The following RALYL variants were observed in gnomAD, a reference collection of about 807,000 sequenced individuals.
RALYL encodes the protein RNA-binding Raly-like protein.
Under a neutral mutation model 35.1 loss-of-function variants are expected in RALYL, and 29 were observed. That is an observed-to-expected ratio of 0.83 (90% CI 0.61 to 1.13). The LOEUF is 1.13. Among genes scored for constraint, RALYL ranks in the 50% most tolerant of loss-of-function variants. The probability of loss-of-function intolerance (pLI) is 0.00; values close to 1 mark genes in which losing one functional copy is unlikely to be tolerated. For synonymous variants in RALYL, 120 were observed against 127.6 expected (o/e 0.94, Z 0.40); for missense variants, 359 against 360.4 (o/e 1.00, Z 0.03).
intron 1 of RALYL, among the ~76,000 whole-genome samples, chr8:84,470,290 A>C (rs1173270171): frequency 1.3e-5 from 2 of 152,158 alleles, no homozygotes; most frequent in African/African-American, 4.8e-5. Context: ...CTACACTATC[A>C]TTTTTGGAAA....
rs1162839871 is a variant in RALYL, at chr8:84,428,139, C to CGT, written c.-23-101160_-23-101159insGT. On this transcript the variant is annotated intron_variant, in intron 1 of 8. Transcript: ENST00000521268. ...ACACACACACACACACACACACACA[C>CGT]ACACGTGGTTCAATATATTTTAAGT... Among the ~76,000 whole-genome samples the CGT allele has an allele frequency of 1.5e-3, 224 of 151,768 alleles. 2 individuals carry two copies. The highest frequency in any genetic ancestry group is 4.4e-3 in the African/African-American group (183 of 41,276).
At chr8:84,860,677 C>A (rs1308677810) in intron 5 of RALYL, among the ~76,000 whole-genome samples, 2 of 152,202 alleles carry the variant, frequency 1.3e-5, no homozygotes, top group African/African-American at 4.8e-5. Flanking sequence ...TCTTTGCTAG[C>A]TGTTCTTCAG....
chr8:84,443,074 C>T (rs1013137346), intron 1 of RALYL, among the ~76,000 whole-genome samples: 2 of 152,098 alleles, frequency 1.3e-5, no homozygotes, highest in African/African-American at 4.8e-5. Flanking sequence ...GGACTTAGTA[C>T]AAGTCAGCTA....
At chr8:84,492,192 G>T (rs1366591970) in intron 1 of RALYL, among the ~76,000 whole-genome samples, 1 of 151,600 alleles carries the variant, frequency 6.6e-6, no homozygotes, top group African/African-American at 2.4e-5. Context: ...TTTTTAAATC[G>T]CAAAAGTAAA....
chr8:84,411,095 A>G lies in RALYL; in HGVS notation c.-23-118204A>G, dbSNP rs541831465. Among the ~76,000 whole-genome samples the G allele has an allele frequency of 2.6e-5, 4 of 152,084 alleles. No individual in the cohort carries two copies. In the South Asian group the frequency reaches 8.3e-4, roughly 32 times the overall value. ...AACACCATATCAATGGGAATGTGGT[A>G]ATAATCAGAACAAATTTTCTCAAAA... On this transcript the variant is annotated intron_variant, in intron 1 of 8. Coordinates refer to ENST00000521268, the MANE Select transcript of RALYL (RefSeq NM_173848.7).
chr8:84,429,277 A>G (rs1401275825), intron 1 of RALYL, among the ~76,000 whole-genome samples: 12 of 152,192 alleles, frequency 7.9e-5, no homozygotes, highest in Non-Finnish European at 1.5e-4. Context: ...GCAGGGAAGA[A>G]TTGCACAGGC....
intron 2 of RALYL, among the ~76,000 whole-genome samples, chr8:84,537,474 CAAA>C (rs397978512): frequency 4.7e-5 from 4 of 84,910 alleles, no homozygotes; most frequent in Admixed American, 1.3e-4. Flanking sequence ...AATCCTGTCT[CAAA>C]AAAAAAAAAA....
At chr8:84,657,141 C>G (rs1180268679) in intron 2 of RALYL, among the ~76,000 whole-genome samples, 1 of 152,098 alleles carries the variant, frequency 6.6e-6, no homozygotes, top group East Asian at 1.9e-4. Flanking sequence ...TGAATAGTAA[C>G]AAATCCAGAA....
At chr8:84,352,352 G>A (rs1851061341) in intron 1 of RALYL, among the ~76,000 whole-genome samples, 1 of 150,232 alleles carries the variant, frequency 6.7e-6, no homozygotes, top group South Asian at 2.1e-4. Context: ...TAATAAACAA[G>A]AGATATGGAA....
At chr8:84,276,694 G>C (rs1017290055) in intron 1 of RALYL, among the ~76,000 whole-genome samples, 11 of 152,284 alleles carry the variant, frequency 7.2e-5, no homozygotes, top group Non-Finnish European at 1.5e-4. Flanking sequence ...GAATCCCTGA[G>C]AACAAGGAGG....
intron 4 of RALYL, among the ~76,000 whole-genome samples, chr8:84,824,303 C>T (rs1028960465): frequency 5.4e-5 from 8 of 149,454 alleles, no homozygotes; most frequent in African/African-American, 2.0e-4. Context: ...ATACATCTAA[C>T]CAAGAAGGTG....
intron 1 of RALYL, among the ~76,000 whole-genome samples, chr8:84,479,479 G>T (rs2053831982): frequency 6.6e-6 from 1 of 152,130 alleles, no homozygotes; most frequent in Non-Finnish European, 1.5e-5. Context: ...GATTAAAATA[G>T]TGCCTGAAAT....
intron 1 of RALYL, among the ~76,000 whole-genome samples, chr8:84,356,156 T>C (rs1851797499): frequency 6.7e-6 from 1 of 150,342 alleles, no homozygotes; most frequent in Non-Finnish European, 1.5e-5. Flanking sequence ...CTGTTAAGTC[T>C]GTGTAAATGT....
At chr8:84,669,476 T>C (rs1023845736) in intron 2 of RALYL, among the ~76,000 whole-genome samples, 168 of 10,556 alleles carry the variant, frequency 0.016, no homozygotes, top group South Asian at 0.025. Flanking sequence ...CCACATCTTC[T>C]CCCTCCCCCC....
intron 2 of RALYL, among the ~76,000 whole-genome samples, chr8:84,586,055 C>T (rs903903582): frequency 1.3e-5 from 2 of 151,808 alleles, no homozygotes; most frequent in Non-Finnish European, 2.9e-5. Flanking sequence ...ATTAGCTGGG[C>T]GTGGTGGCAC....
intron 4 of RALYL, among the ~76,000 whole-genome samples, chr8:84,821,708 A>C (rs1174652683): frequency 6.6e-6 from 1 of 152,126 alleles, no homozygotes; most frequent in Non-Finnish European, 1.5e-5. Flanking sequence ...TTTTTGATTC[A>C]AAAGGATTTT....
At chr8:84,661,489 C>T (rs961904163) in intron 2 of RALYL, among the ~76,000 whole-genome samples, 5 of 151,768 alleles carry the variant, frequency 3.3e-5, no homozygotes, top group African/African-American at 4.8e-5. Context: ...GTAACAATAT[C>T]TCCATTCTTT....
intron 1 of RALYL, among the ~76,000 whole-genome samples, chr8:84,313,921 T>G (rs1023752736): frequency 1.3e-5 from 2 of 152,120 alleles, no homozygotes; most frequent in African/African-American, 4.8e-5. Context: ...TATCCCACTA[T>G]CCTGGTACCA....
chr8:84,317,302 T>A (rs1170193655), intron 1 of RALYL, among the ~76,000 whole-genome samples: 14 of 152,176 alleles, frequency 9.2e-5, no homozygotes, highest in Non-Finnish European at 1.0e-4. Flanking sequence ...AGGACTTTTA[T>A]TATTGTACTT....
Sources: allele counts gnomAD v4.1 joint callset (sites outside exome capture counted in the v4.1 genomes callset), GRCh38; gene constraint gnomAD v4.1.1; transcripts MANE v1.5; gene names NCBI Gene and HGNC (gene_info 2026-07-23, HGNC 2026-07-21).